GRID2: variants seen among roughly 807,000 people sequenced by gnomAD.
The protein encoded by GRID2 is glutamate ionotropic receptor delta type subunit 2, also known as glutamate receptor ionotropic, delta-2.
Under a neutral mutation model 114.8 loss-of-function variants are expected in GRID2, and 33 were observed. The observed-to-expected ratio is 0.29, with a 90% CI of 0.22 to 0.38. The LOEUF (loss-of-function observed/expected upper bound fraction) is 0.38. Among genes scored for constraint, GRID2 ranks in the 10% least tolerant of loss-of-function variants. The probability of loss-of-function intolerance (pLI) is 1.00; values close to 1 mark genes in which losing one functional copy is unlikely to be tolerated. For synonymous variants in GRID2, 505 were observed against 449.9 expected (o/e 1.12, Z -1.55); for missense variants, 1,184 against 1,257.7 (o/e 0.94, Z 0.89).
At chr4:92,362,518 CATAA>C (rs1366718716) in intron 1 of GRID2, among the ~76,000 whole-genome samples, 1 of 151,878 alleles carries the variant, frequency 6.6e-6, no homozygotes, top group African/African-American at 2.4e-5. Flanking sequence ...CACAGATTCT[CATAA>C]ATATATATAA....
chr4:93,796,818 G>A (rs1734812775), intron 1 of GRID2, among the ~76,000 whole-genome samples: 1 of 152,172 alleles, frequency 6.6e-6, no homozygotes, highest in South Asian at 2.1e-4. Context: ...CCAGAGTGCT[G>A]GGATCAAGTA....
chr4:92,775,694 A>T (rs1041622041), intron 2 of GRID2, among the ~76,000 whole-genome samples: 1 of 152,162 alleles, frequency 6.6e-6, no homozygotes, highest in Non-Finnish European at 1.5e-5. Flanking sequence ...GCAAGAGTCT[A>T]ATTTTCACTT....
chr4:92,878,514 A>G (rs145137656), intron 2 of GRID2, among the ~76,000 whole-genome samples: 1 of 152,232 alleles, frequency 6.6e-6, no homozygotes, highest in African/African-American at 2.4e-5. Context: ...GGTAGTTTGA[A>G]CTTTAAAAGT....
chr4:93,534,697 T>C (rs1578207139), intron 13 of GRID2, among the ~76,000 whole-genome samples: 4 of 152,244 alleles, frequency 2.6e-5, no homozygotes, highest in Admixed American at 2.6e-4. Flanking sequence ...TTTCCTTTTC[T>C]ACAGTAAGAA....
chr4:92,580,764 C>T (rs907902222), intron 1 of GRID2, among the ~76,000 whole-genome samples: 4 of 151,742 alleles, frequency 2.6e-5, no homozygotes, highest in Non-Finnish European at 4.4e-5. Flanking sequence ...GAAGGTAATA[C>T]TAAAAAGGTA....
chr4:92,468,893 C>T (rs1721885646), intron 1 of GRID2, among the ~76,000 whole-genome samples: 1 of 152,046 alleles, frequency 6.6e-6, no homozygotes, highest in African/African-American at 2.4e-5. Flanking sequence ...AAACTGAGGT[C>T]AGATGGAGGC....
At chr4:92,915,889 C>A (rs1174416648) in intron 2 of GRID2, among the ~76,000 whole-genome samples, 1 of 152,060 alleles carries the variant, frequency 6.6e-6, no homozygotes, top group Non-Finnish European at 1.5e-5. Context: ...TGTTTATGTC[C>A]TTTGCCCAAT....
At chr4:93,390,127 A>G (rs1395016775) in intron 8 of GRID2, among the ~76,000 whole-genome samples, 1 of 152,172 alleles carries the variant, frequency 6.6e-6, no homozygotes, top group Non-Finnish European at 1.5e-5. Context: ...AACCTTGGCT[A>G]TACATTGGAA....
At chr4:93,233,501 C>G (rs1371679985) in intron 7 of GRID2, among the ~76,000 whole-genome samples, 1 of 151,734 alleles carries the variant, frequency 6.6e-6, no homozygotes, top group African/African-American at 2.4e-5. Flanking sequence ...CACCACCACA[C>G]CTGGCTAATT....
At chr4:92,550,511 A>C (rs1726530508) in intron 1 of GRID2, among the ~76,000 whole-genome samples, 1 of 152,182 alleles carries the variant, frequency 6.6e-6, no homozygotes, top group Non-Finnish European at 1.5e-5. Flanking sequence ...GTATGAGTAT[A>C]ATCTGGATTC....
intron 2 of GRID2, among the ~76,000 whole-genome samples, chr4:92,607,749 C>T (rs1350228922): frequency 7.2e-5 from 11 of 151,922 alleles, no homozygotes; most frequent in Admixed American, 3.9e-4. Flanking sequence ...AACTCCATCA[C>T]TAATTCAACA....
intron 13 of GRID2, among the ~76,000 whole-genome samples, chr4:93,570,092 T>TTCATTAATA (rs1735798288): frequency 1.3e-5 from 2 of 150,122 alleles, no homozygotes; most frequent in South Asian, 4.2e-4. Flanking sequence ...TAACAGAAGC[T>TTCATTAATA]TCATTAATAT....
At chr4:93,009,233 A>G (rs1721868378) in intron 2 of GRID2, among the ~76,000 whole-genome samples, 1 of 152,132 alleles carries the variant, frequency 6.6e-6, no homozygotes, top group South Asian at 2.1e-4. Context: ...CAATATACAC[A>G]TGGCCTTCTA....
chr4:93,243,203 A>T (rs542047815), intron 8 of GRID2, among the ~76,000 whole-genome samples: 1 of 152,152 alleles, frequency 6.6e-6, no homozygotes, highest in South Asian at 2.1e-4. Context: ...CAATTTAATT[A>T]CTAATTTTTT....
chr4:93,757,691 C>T (rs1732869107), intron 14 of GRID2, among the ~76,000 whole-genome samples: 1 of 152,204 alleles, frequency 6.6e-6, no homozygotes, highest in Non-Finnish European at 1.5e-5. Context: ...TGCAGTGGCT[C>T]ACGCCTATAA....
rs1753785908 is a variant in GRID2, at chr4:92,975,156, C to CAAAAAAAAAATAAAAAAA, written c.245-109829_245-109828insTAAAAAAAAAAAAAAAAA. Among the ~76,000 whole-genome samples the CAAAAAAAAAATAAAAAAA allele has an allele frequency of 4.3e-5, 2 of 46,692 alleles. 1 individual carries two copies. Among genetic ancestry groups the CAAAAAAAAAATAAAAAAA allele is most frequent in the African/African-American group, 2.0e-4 (2 of 10,196 alleles). The allele number at this position is 46,692 out of a possible 152,430, so 30.6% of individuals were successfully genotyped here. ...TGGGCGACAGAGTGAGATTCCGCCT[C>CAAAAAAAAAATAAAAAAA]AAAAAAAAAAAAAAAAAAAAAGGTG... On this transcript the variant is annotated intron_variant, in intron 2 of 15. Transcript: ENST00000282020.
At chr4:93,276,370 A>G (rs1174685003) in intron 8 of GRID2, among the ~76,000 whole-genome samples, 1 of 151,974 alleles carries the variant, frequency 6.6e-6, no homozygotes, top group Non-Finnish European at 1.5e-5. Context: ...CAATTTTGAA[A>G]TCATAATGTG....
At chr4:92,628,892 C>G (rs1162440320) in intron 2 of GRID2, among the ~76,000 whole-genome samples, 1 of 151,954 alleles carries the variant, frequency 6.6e-6, no homozygotes, top group African/African-American at 2.4e-5. Context: ...TTCTTTTAAT[C>G]ATTTTCCTTT....
intron 4 of GRID2, among the ~76,000 whole-genome samples, chr4:93,160,007 A>C (rs1737538820): frequency 6.6e-6 from 1 of 151,780 alleles, no homozygotes; most frequent in African/African-American, 2.4e-5. Context: ...ATGTGTTTGA[A>C]CTTAGGTATT....
Sources: gnomAD v4.1 joint callset for allele counts (sites outside exome capture counted in the v4.1 genomes callset) on GRCh38, gnomAD v4.1.1 for gene constraint, MANE v1.5 for transcripts, NCBI Gene and HGNC (gene_info 2026-07-23, HGNC 2026-07-21) for gene names.